The following SPEG variants were observed in gnomAD, a reference collection of about 807,000 sequenced individuals.
SPEG encodes the protein striated muscle enriched protein kinase.
SPEG carries 114 observed loss-of-function variants against 300.4 expected under a neutral mutation model. The ratio of observed to expected loss-of-function variants is 0.38; its 90% confidence interval spans 0.33 to 0.44. The LOEUF (loss-of-function observed/expected upper bound fraction) is 0.44. SPEG is among the 20% of genes least tolerant of loss of function. The probability of loss-of-function intolerance (pLI) is 1.00; values close to 1 mark genes in which losing one functional copy is unlikely to be tolerated. For synonymous variants in SPEG, 1,964 were observed against 2,018.9 expected (o/e 0.97, Z 0.73); for missense variants, 4,201 against 4,586.2 (o/e 0.92, Z 2.43).
chr2:219,460,274 G>A (rs1012689064), intron 6 of SPEG: 6 of 982,488 alleles, frequency 6.1e-6, no homozygotes, highest in Non-Finnish European at 7.3e-6. Flanking sequence ...GTGAAGGAGG[G>A]CAAAGATCTT....
Position 219,477,557 on chromosome 2 carries a change from A to C in SPEG, c.4729+112A>C, listed in dbSNP as rs562621646. ...CCTGGACTCGAGCCACCACACCCCC[A>C]GCCCAGCACCCCGCCTTGAGCCCCC... On this transcript the variant is annotated intron_variant, in intron 20 of 40. Coordinates refer to ENST00000312358, the MANE Select transcript of SPEG (RefSeq NM_005876.5). This position sits in a 1 kb window ranked among gnomAD's most constrained non-coding sequence, Gnocchi z 6.4. 5.1e-6 allele frequency: 7 copies of C among 1,373,630 alleles called. No homozygotes were observed. Among genetic ancestry groups the C allele is most frequent in the Admixed American group, 5.0e-5 (2 of 40,092 alleles). 85.1% of individuals were successfully genotyped at this position (1,373,630 alleles called of 1,614,324 possible).
intron 14 of SPEG, 60 bp from the exon 15 acceptor site, chr2:219,472,167 G>A (rs1395646395): frequency 4.4e-6 from 7 of 1,575,916 alleles, no homozygotes; most frequent in Non-Finnish European, 6.1e-6. Flanking sequence ...CTGAGGCTCG[G>A]TGATCCTGTG....
Position 219,462,399 on chromosome 2 carries a change from A to G in SPEG, c.2705+13A>G. ...CTGTGGTCTCCTGGTGAGTAGCCGC[A>G]CTTTCCACCACCCACCAGCGACTCT... On this transcript the variant is annotated intron_variant, in intron 8 of 40. Coordinates refer to ENST00000312358, the MANE Select transcript of SPEG (RefSeq NM_005876.5). The G allele has an allele frequency of 6.5e-7, 1 of 1,549,074 alleles. No homozygotes were observed. Among genetic ancestry groups the G allele is most frequent in the East Asian group, 2.4e-5 (1 of 41,008 alleles).
At chr2:219,466,902 T>A in intron 9 of SPEG, 1 of 1,193,058 alleles carries the variant, frequency 8.4e-7, no homozygotes, top group Non-Finnish European at 1.1e-6. Flanking sequence ...CCGATGTCTC[T>A]GCCACCACGT....
chr2:219,488,110 T>A, intron 31 of SPEG, 84 bp from the exon 32 acceptor site: 1 of 837,346 alleles, frequency 1.2e-6, no homozygotes. Flanking sequence ...CTGATGGCTG[T>A]TTGCAGGCCT....
intron 38 of SPEG, among the ~76,000 whole-genome samples, chr2:219,491,527 G>A (rs759930615): frequency 1.3e-5 from 2 of 152,212 alleles, no homozygotes; most frequent in African/African-American, 2.4e-5. Context: ...ATCCAAGGGA[G>A]CTTGTCACCC....
Position 219,481,946 on chromosome 2 carries a change from G to T in SPEG, c.5565+266G>T. On this transcript the variant is annotated intron_variant, in intron 28 of 40. Transcript: ENST00000312358. The surrounding 1 kb of genome is among the most constrained non-coding windows in gnomAD (Gnocchi z 5.4). Reference sequence around the variant, plus strand: ...ACGTCTGGACCTCTCCATCCTGGGCGTCCTCAGTGGAGTTCTCCCCCATGC... The same window carrying T: ...ACGTCTGGACCTCTCCATCCTGGGCTTCCTCAGTGGAGTTCTCCCCCATGC... 1.7e-6 allele frequency: 1 copy of T among 575,416 alleles called. No homozygotes were observed. The highest frequency in any genetic ancestry group is 3.1e-6 in the Non-Finnish European group (1 of 321,186). 35.6% of individuals were successfully genotyped at this position (575,416 alleles called of 1,614,324 possible). A position where few individuals can be genotyped will look rare whatever the true frequency, so the allele number is the denominator to read the frequency against.
intron 36 of SPEG, among the ~76,000 whole-genome samples, 200 bp from the exon 37 acceptor site, chr2:219,490,209 G>A (rs1213667880): frequency 6.6e-6 from 1 of 152,242 alleles, no homozygotes; most frequent in African/African-American, 2.4e-5. Flanking sequence ...GAGAAGCTAT[G>A]GGATTTACCT....
chr2:219,462,535 C>A, intron 8 of SPEG, 149 bp downstream of exon 8: 1 of 628,042 alleles, frequency 1.6e-6, no homozygotes, highest in Non-Finnish European at 2.8e-6. Flanking sequence ...GCAGTGTACT[C>A]CCCCCGGCAC....
rs1694126105 is a variant in SPEG at position 219,493,142 on chromosome 2, C to A, written c.*356C>A. 4.1e-6 allele frequency: 2 copies of A among 483,718 alleles called. No homozygotes were observed. The highest frequency in any genetic ancestry group is 1.9e-5 in the African/African-American group (1 of 51,320). The allele number at this position is 483,718 out of a possible 1,614,324, so 30.0% of individuals were successfully genotyped here. On this transcript the variant is annotated 3_prime_UTR_variant, in exon 41 of 41. Coordinates refer to ENST00000312358, the MANE Select transcript of SPEG (RefSeq NM_005876.5). Reference sequence around the variant, plus strand: ...GGGGTCAGTGCATCTCAGGGAGAACCAAGGAAGGTGGGCATGGCTGGAGAG... The same window carrying A: ...GGGGTCAGTGCATCTCAGGGAGAACAAAGGAAGGTGGGCATGGCTGGAGAG...
At chr2:219,468,771 C>T in intron 11 of SPEG, 35 bp downstream of exon 11, 1 of 1,611,558 alleles carries the variant, frequency 6.2e-7, no homozygotes, top group Non-Finnish European at 8.5e-7. Context: ...TGAGGGCCCC[C>T]CCAAGGGCCC....
Position 219,460,810 on chromosome 2 carries a change from G to A in SPEG, c.2441-1072G>A, listed in dbSNP as rs577125677. ...CTCAGGCGCCTTCCCCTCCCCCAGGGCCTTCTCCGTGCAGGGCCTCAGCTG... is the reference window on the plus strand; with the variant it reads ...CTCAGGCGCCTTCCCCTCCCCCAGGACCTTCTCCGTGCAGGGCCTCAGCTG... On this transcript the variant is annotated intron_variant, in intron 6 of 40. Coordinates refer to ENST00000312358, the MANE Select transcript of SPEG (RefSeq NM_005876.5). The A allele has an allele frequency of 3.5e-5, 35 of 986,244 alleles. No individual in the cohort carries two copies. In the East Asian group the frequency reaches 3.4e-3, roughly 96 times the overall value. 61.1% of individuals were successfully genotyped at this position (986,244 alleles called of 1,614,324 possible).
rs1954814420 is a variant in SPEG, at chr2:219,439,953, C to G, written c.388+4588C>G. Among the ~76,000 whole-genome samples the G allele has an allele frequency of 6.6e-6, 1 of 152,172 alleles. No individual in the cohort carries two copies. The highest frequency in any genetic ancestry group is 1.9e-4 in the East Asian group (1 of 5,196). ...GGTGTCCAGGGTCCTCTGGCTGGAACGAGTGTGGACACACATATGTGCCCT... is the reference window on the plus strand; with the variant it reads ...GGTGTCCAGGGTCCTCTGGCTGGAAGGAGTGTGGACACACATATGTGCCCT... On this transcript the variant is annotated intron_variant, in intron 1 of 40. Transcript: ENST00000312358. This position sits in a 1 kb window ranked among gnomAD's most constrained non-coding sequence, Gnocchi z 4.5.
At position 219,464,324 on chromosome 2, in the gene SPEG, G is replaced by A. The variant is rs1205828160; in HGVS notation, c.2706-109G>A. 2 of 1,238,534 alleles carry A rather than the reference G, an allele frequency of 1.6e-6. No homozygotes were observed. The highest frequency in any genetic ancestry group is 2.2e-6 in the Non-Finnish European group (2 of 895,492). The allele number at this position is 1,238,534 out of a possible 1,614,324, so 76.7% of individuals were successfully genotyped here. ...GGTCAGTGGGACAGATCTGGGGACT[G>A]GGCAAACTGCACAGGGAAGGAGAGG... On this transcript the variant is annotated intron_variant, in intron 8 of 40. Transcript: ENST00000312358. The surrounding 1 kb of genome is among the most constrained non-coding windows in gnomAD (Gnocchi z 4.5).
At chr2:219,465,471 CTCCAGATT>C (rs1691181781) in intron 9 of SPEG, 1 of 157,502 alleles carries the variant, frequency 6.3e-6, no homozygotes, top group Admixed American at 6.3e-5. Flanking sequence ...CTTCCTTGGT[CTCCAGATT>C]CTTCAGCCCT....
intron 1 of SPEG, among the ~76,000 whole-genome samples, chr2:219,441,052 T>G (rs781024855): frequency 6.6e-6 from 1 of 152,230 alleles, no homozygotes; most frequent in African/African-American, 2.4e-5. Context: ...CATAAGGGTT[T>G]CCAGCTCATG....
At position 219,473,868 on chromosome 2, in the gene SPEG, G is replaced by C. The variant is rs1692110404; in HGVS notation, c.4412G>C (p.Gly1471Ala). The part of the protein sequence containing the change: ...ALTCTARNRH[G>A]TQTCSVTLEL... The stretch of plus-strand genomic sequence containing the variant: ...ACCTGCACCGCCCGAAACCGTCACG[G>C]CACACAGACCTGCTCGGTCACATTG... Residue 1471 changes from glycine to alanine, a missense_variant, in exon 18 of 41, where the codon GGC becomes GCC. Coordinates refer to ENST00000312358, the MANE Select transcript of SPEG (RefSeq NM_005876.5). The surrounding 1 kb of genome is among the most constrained non-coding windows in gnomAD (Gnocchi z 4.6). The C allele has an allele frequency of 6.2e-7, 1 of 1,613,196 alleles. No individual in the cohort carries two copies. Among genetic ancestry groups the C allele is most frequent in the South Asian group, 1.1e-5 (1 of 91,058 alleles).
chr2:219,476,772 G>A (rs1692382931), intron 18 of SPEG, 98 bp from the exon 19 acceptor site: 1 of 907,542 alleles, frequency 1.1e-6, no homozygotes. Context: ...TTCTGACTGA[G>A]CCAGTCACTG....
At chr2:219,447,684 T>A (rs1041486347) in intron 3 of SPEG, among the ~76,000 whole-genome samples, 1 of 152,092 alleles carries the variant, frequency 6.6e-6, no homozygotes. Context: ...TTTCCGCTGT[T>A]TCTCGGCTTC....
Sources: allele counts gnomAD v4.1 joint callset (sites outside exome capture counted in the v4.1 genomes callset), GRCh38; gene constraint gnomAD v4.1.1; non-coding constraint Gnocchi (gnomAD v3.1); transcripts MANE v1.5; gene names NCBI Gene and HGNC (gene_info 2026-07-23, HGNC 2026-07-21).